The following RARA variants were observed in gnomAD, a reference collection of about 807,000 sequenced individuals.
The protein encoded by RARA is retinoic acid receptor alpha, also known as PML-DDX5-RARA fusion.
RARA carries 5 observed loss-of-function variants against 42.8 expected under a neutral mutation model. The ratio of observed to expected loss-of-function variants is 0.12; its 90% CI spans 0.06 to 0.25. The LOEUF (loss-of-function observed/expected upper bound fraction) is 0.25. Among genes scored for constraint, RARA ranks in the 10% least tolerant of loss-of-function variants. The pLI, the probability that RARA is intolerant of heterozygous loss-of-function variation, is 1.00. For missense variants in RARA, 402 were observed against 628.7 expected (o/e 0.64, Z 3.86); for synonymous variants, 256 against 259.5 (o/e 0.99, Z 0.13).
chr17:40,342,161 G>A, intron 2 of RARA: 1 of 1,046,566 alleles, frequency 9.6e-7, no homozygotes, highest in East Asian at 5.5e-5. Flanking sequence ...TGGGGGGGCC[G>A]TGGCGCGTAC....
chr17:40,319,552 C>T (rs1331925246), intron 1 of RARA, among the ~76,000 whole-genome samples: 3 of 150,646 alleles, frequency 2.0e-5, no homozygotes, highest in Admixed American at 2.0e-4. Context: ...GCTGCTTACC[C>T]CAAGGATCAC....
rs779662497 is a variant in RARA, at chr17:40,309,188, C to G, written c.-461C>G. ...GGGAACCCGTGCCTCTTGCAGCAGC[C>G]TAACCCAGAAGCAGGGGGGAATCCT... On this transcript the variant is annotated 5_prime_UTR_variant, in exon 1 of 9. Transcript: ENST00000254066. 2 of 152,300 alleles carry G rather than the reference C, an allele frequency of 1.3e-5. No homozygotes were observed. Among genetic ancestry groups the G allele is most frequent in the Non-Finnish European group, 2.9e-5 (2 of 68,090 alleles). 9.4% of individuals were successfully genotyped at this position (152,300 alleles called of 1,614,324 possible).
intron 1 of RARA, among the ~76,000 whole-genome samples, chr17:40,321,425 A>AGAG (rs763508454): frequency 2.6e-5 from 4 of 151,366 alleles, no homozygotes; most frequent in East Asian, 3.9e-4. Context: ...TGGAATTTGG[A>AGAG]GAGGAGGAGG....
chr17:40,342,864 C>T, intron 2 of RARA: 3 of 1,611,668 alleles, frequency 1.9e-6, no homozygotes, highest in Non-Finnish European at 2.5e-6. Flanking sequence ...TGGCTCAAAC[C>T]ACTGTACGTA....
chr17:40,351,215 C>G lies in RARA; in HGVS notation c.470-695C>G, dbSNP rs2034432891. On this transcript the variant is annotated intron_variant, in intron 4 of 8. Transcript: ENST00000254066. The surrounding 1 kb of genome is among the most constrained non-coding windows in gnomAD (Gnocchi z 4.1). ...GATCTCCAAATTATGCCAGCTACCC[C>G]CACCTCGCTACCCCCTCCCTGAGCC... Among the ~76,000 whole-genome samples the G allele has an allele frequency of 6.6e-6, 1 of 151,618 alleles. No homozygotes were observed.
intron 2 of RARA, among the ~76,000 whole-genome samples, chr17:40,340,128 C>T (rs796120111): frequency 3.7e-4 from 57 of 152,148 alleles, no homozygotes; most frequent in African/African-American, 1.4e-3. Context: ...CCCACCCCCC[C>T]ACGTTATTTG....
intron 6 of RARA, among the ~76,000 whole-genome samples, chr17:40,353,066 A>G (rs569499693): frequency 2.6e-4 from 40 of 152,334 alleles, no homozygotes; most frequent in African/African-American, 9.1e-4. Flanking sequence ...ACTGTGATCA[A>G]TGCTTCCTGG....
chr17:40,311,907 C>T (rs968631495), intron 1 of RARA, among the ~76,000 whole-genome samples: 2 of 152,260 alleles, frequency 1.3e-5, no homozygotes, highest in African/African-American at 4.8e-5. Context: ...CATGCCCAGC[C>T]TGGCAGGCAT....
chr17:40,357,307 CCCCAGACA>C lies in RARA; in HGVS notation c.*1084_*1091del, dbSNP rs1409581494. On this transcript the variant is annotated 3_prime_UTR_variant, in exon 9 of 9. Coordinates refer to ENST00000254066, the MANE Select transcript of RARA (RefSeq NM_000964.4). ...TCAGCCACCAGCACCCCCATAGGGCCCCCAGACACCACACACATGCGCGTGCGCACACA... is the reference window on the plus strand; with the variant it reads ...TCAGCCACCAGCACCCCCATAGGGCCCCACACACATGCGCGTGCGCACACA... The C allele has an allele frequency of 4.2e-6, 1 of 235,972 alleles. No homozygotes were observed. Among genetic ancestry groups the C allele is most frequent in the Non-Finnish European group, 8.3e-6 (1 of 120,064 alleles). 14.6% of individuals were successfully genotyped at this position (235,972 alleles called of 1,614,324 possible). A position where few individuals can be genotyped will look rare whatever the true frequency, so the allele number is the denominator to read the frequency against.
At chr17:40,353,813 T>C (rs1221853154) in intron 6 of RARA, among the ~76,000 whole-genome samples, 2 of 152,190 alleles carry the variant, frequency 1.3e-5, no homozygotes. Flanking sequence ...CCCCATGCCG[T>C]GGATGCAGGA....
At chr17:40,341,292 G>C (rs2034025022) in intron 2 of RARA, 1 of 1,371,014 alleles carries the variant, frequency 7.3e-7, no homozygotes, top group South Asian at 1.7e-5. Context: ...TTTGCTCGCC[G>C]GAAGCACGCA....
chr17:40,331,087 G>A lies in RARA; in HGVS notation c.-132G>A, dbSNP rs534271469. The A allele has an allele frequency of 2.8e-6, 3 of 1,075,928 alleles. No homozygotes were observed. The African/African-American group carries it at 4.8e-5, about 17-fold the overall frequency. The allele number at this position is 1,075,928 out of a possible 1,614,324, so 66.6% of individuals were successfully genotyped here. On this transcript the variant is annotated 5_prime_UTR_variant, in exon 2 of 9. Transcript: ENST00000254066. ...CTGCCCTCTTTGGACAGCAGCTCCA[G>A]GACAGGGCGGGTGGGCTGACCACCC...
chr17:40,329,994 G>A lies in RARA; in HGVS notation c.-362-863G>A, dbSNP rs148047838. On this transcript the variant is annotated intron_variant, in intron 1 of 8. Coordinates refer to ENST00000254066, the MANE Select transcript of RARA (RefSeq NM_000964.4). ...AATCTCTGGGTTCATCTCTGTCTCT[G>A]TCTCTACCCCATGGTATTATCTGTG... is the stretch of plus-strand genomic sequence containing the variant. Among the ~76,000 whole-genome samples, 151 of 152,240 alleles carry A rather than the reference G, an allele frequency of 9.9e-4. 2 individuals are homozygous for A. Among genetic ancestry groups the A allele is most frequent in the African/African-American group, 3.5e-3 (144 of 41,526 alleles).
rs1007394918 is a variant in RARA, at chr17:40,355,109, C to T, written c.1013-154C>T. Among the ~76,000 whole-genome samples the T allele has an allele frequency of 6.6e-6, 1 of 152,200 alleles. No homozygotes were observed. The highest frequency in any genetic ancestry group is 1.5e-5 in the Non-Finnish European group (1 of 68,032). ...TTGCTCCCTTTTAAGGGCCTCTGTA[C>T]CCTGCGGCAGCAGAGACCCCATGCC... On this transcript the variant is annotated intron_variant, in intron 7 of 8. Transcript: ENST00000254066. The surrounding 1 kb of genome is among the most constrained non-coding windows in gnomAD (Gnocchi z 4.1).
chr17:40,330,963 A>G lies in RARA; in HGVS notation c.-256A>G, dbSNP rs535249147. 4.5e-6 allele frequency: 2 copies of G among 440,608 alleles called. No individual in the cohort carries two copies. The highest frequency in any genetic ancestry group is 4.4e-5 in the South Asian group (1 of 22,760). 27.3% of individuals were successfully genotyped at this position (440,608 alleles called of 1,614,324 possible). On this transcript the variant is annotated 5_prime_UTR_variant, in exon 2 of 9. Coordinates refer to ENST00000254066, the MANE Select transcript of RARA (RefSeq NM_000964.4). ...TCTGGACCTTCCCAGGAAAAGTGCC[A>G]GCTCACAGAACTGCTTGACCAAAGG...
intron 1 of RARA, among the ~76,000 whole-genome samples, chr17:40,314,180 A>AGGGGGGGGGGGGGG (rs2033147498): frequency 4.0e-4 from 2 of 5,016 alleles, no homozygotes; most frequent in African/African-American, 7.2e-4. Flanking sequence ...TGGCGGGTGG[A>AGGGGGGGGGGGGGG]GGGGTGGGGT....
rs185327348 is a variant in RARA at position 40,312,552 on chromosome 17, G to T, written c.-363+3266G>T. ...TGCAGAAAAGCACGGGGCAGGCAGA[G>T]GGGCTGGCCAAGGTGAGGGTAAGCA... On this transcript the variant is annotated intron_variant, in intron 1 of 8. Coordinates refer to ENST00000254066, the MANE Select transcript of RARA (RefSeq NM_000964.4). Among the ~76,000 whole-genome samples the T allele has an allele frequency of 2.6e-5, 4 of 152,364 alleles. No homozygotes were observed. In the East Asian group the frequency reaches 5.8e-4, roughly 22 times the overall value.
chr17:40,352,153 G>T lies in RARA; in HGVS notation c.630+83G>T, dbSNP rs1598584918. On this transcript the variant is annotated intron_variant, in intron 5 of 8. Coordinates refer to ENST00000254066, the MANE Select transcript of RARA (RefSeq NM_000964.4). The surrounding 1 kb of genome is among the most constrained non-coding windows in gnomAD (Gnocchi z 4.9). Reference sequence around the variant, plus strand: ...GGGCCCCTCTCAGGCACCCCTTCTTGTGCCAGGCAAGATCTCTGCGTCCTT... The same window carrying T: ...GGGCCCCTCTCAGGCACCCCTTCTTTTGCCAGGCAAGATCTCTGCGTCCTT... 6.8e-7 allele frequency: 1 copy of T among 1,469,210 alleles called. No individual in the cohort carries two copies. The highest frequency in any genetic ancestry group is 2.4e-5 in the East Asian group (1 of 41,030). 91.0% of individuals were successfully genotyped at this position (1,469,210 alleles called of 1,614,324 possible).
rs533725485 is a variant in RARA at position 40,327,939 on chromosome 17, AG to A, written c.-362-2917del. ...CTGTTCCTCTGACATCAGCCCTCTC[AG>A]CCTAGGAGGGAATTGGCAGGGGCCT... On this transcript the variant is annotated intron_variant, in intron 1 of 8. Transcript: ENST00000254066. 1.8e-3 allele frequency among the ~76,000 whole-genome samples: 272 copies of A among 152,268 alleles called. 2 individuals are homozygous for A. The highest frequency in any genetic ancestry group is 6.2e-3 in the African/African-American group (258 of 41,552).
Sources: gnomAD v4.1 joint callset for allele counts (sites outside exome capture counted in the v4.1 genomes callset) on GRCh38, gnomAD v4.1.1 for gene constraint, Gnocchi (gnomAD v3.1) non-coding constraint, MANE v1.5 for transcripts, NCBI Gene and HGNC (gene_info 2026-07-23, HGNC 2026-07-21) for gene names.